MTUS1: variants seen among roughly 807,000 people sequenced by gnomAD.
MTUS1 encodes the protein microtubule-associated tumor suppressor 1.
A neutral mutation model predicts 120.8 loss-of-function variants in MTUS1; 109 were observed. The observed-to-expected ratio is 0.90, with a 90% confidence interval of 0.77 to 1.06. The LOEUF (loss-of-function observed/expected upper bound fraction) is 1.06, where lower values mean the gene tolerates loss of function less well. Ranked by LOEUF, MTUS1 falls within the 50% of genes least tolerant of loss-of-function variation. The pLI is 0.00. For missense variants in MTUS1, 2,210 were observed against 1,486.3 expected (o/e 1.49, Z -8.01); for synonymous variants, 737 against 550.5 (o/e 1.34, Z -4.74).
At chr8:17,739,140 C>A (rs1202618863) in intron 3 of MTUS1, among the ~76,000 whole-genome samples, 2 of 151,358 alleles carry the variant, frequency 1.3e-5, no homozygotes, top group African/African-American at 4.9e-5. Context: ...GAAAATGTCT[C>A]AAAAAAACAA....
At chr8:17,743,568 A>G in intron 3 of MTUS1, 36 bp downstream of exon 3, 1 of 1,579,820 alleles carries the variant, frequency 6.3e-7, no homozygotes. Context: ...TTTACATTCA[A>G]TTAACTCATA....
At chr8:17,697,794 G>A (rs756304354) in intron 6 of MTUS1, 10 of 937,940 alleles carry the variant, frequency 1.1e-5, no homozygotes, top group Middle Eastern at 5.5e-4. Context: ...TTGAAAGATC[G>A]CTAGGGGAAA....
At position 17,661,515 on chromosome 8, in the gene MTUS1, C is replaced by T. The variant is rs1047834919; in HGVS notation, c.2906-5450G>A. ...CAGACTACCCTGGCTGATTTTAACA[C>T]ATCTGTTTATGATAAAAATACTGTC... On this transcript the variant is annotated intron_variant, in intron 8 of 14. Transcript: ENST00000693296. 3.3e-5 allele frequency among the ~76,000 whole-genome samples: 5 copies of T among 152,186 alleles called. No individual in the cohort carries two copies. The East Asian group carries it at 9.7e-4, about 29-fold the overall frequency.
intron 1 of MTUS1, among the ~76,000 whole-genome samples, chr8:17,778,461 T>C (rs919898167): frequency 1.3e-5 from 2 of 152,202 alleles, no homozygotes; most frequent in African/African-American, 2.4e-5. Flanking sequence ...TCAAAATTCA[T>C]TGTACTATAC....
chr8:17,648,480 T>G (rs1405881740), intron 13 of MTUS1, among the ~76,000 whole-genome samples: 1 of 152,214 alleles, frequency 6.6e-6, no homozygotes. Flanking sequence ...AACAGGATCA[T>G]CTGAGTCATC....
intron 1 of MTUS1, among the ~76,000 whole-genome samples, chr8:17,758,773 G>C (rs1165537105): frequency 1.3e-5 from 2 of 152,186 alleles, no homozygotes; most frequent in Non-Finnish European, 2.9e-5. Context: ...ATAATTGTTA[G>C]CTTCAATTAA....
chr8:17,680,361 G>A (rs1250357765), intron 7 of MTUS1, among the ~76,000 whole-genome samples: 2 of 150,214 alleles, frequency 1.3e-5, no homozygotes, highest in Non-Finnish European at 2.9e-5. Flanking sequence ...CTACTCAGGA[G>A]GCTGAGTCAG....
chr8:17,783,131 T>C (rs970128368), intron 1 of MTUS1, among the ~76,000 whole-genome samples: 1 of 152,120 alleles, frequency 6.6e-6, no homozygotes, highest in African/African-American at 2.4e-5. Flanking sequence ...GAGGATAACA[T>C]GTTGGCCCTT....
intron 7 of MTUS1, among the ~76,000 whole-genome samples, chr8:17,681,018 C>T (rs979436175): frequency 3.9e-5 from 6 of 152,086 alleles, no homozygotes; most frequent in African/African-American, 1.2e-4. Flanking sequence ...ACTGCCACCT[C>T]CACCTCTCAA....
Position 17,753,796 on chromosome 8 carries a change from T to C in MTUS1, c.2012A>G (p.Glu671Gly), listed in dbSNP as rs1377108583. Residue 671 changes from glutamate to glycine, a missense_variant, in exon 2 of 15, where the codon GAA (glutamate) becomes GGA (glycine). By Grantham distance (98) the Glu-to-Gly change is moderately conservative (BLOSUM62 -2). Transcript: ENST00000693296. ...TTGTTTTTCCATAGATGTCCCATTT[T>C]CTTTTTCACCCTTCTTTTCAGGGCT... The part of the protein sequence containing the change: ...RISPEKKGEK[E>G]NGTSMEKQEL... The C allele has an allele frequency of 1.2e-6, 2 of 1,613,918 alleles. No individual in the cohort carries two copies. Among genetic ancestry groups the C allele is most frequent in the South Asian group, 2.2e-5 (2 of 90,864 alleles).
chr8:17,741,675 T>C (rs902805236), intron 3 of MTUS1, among the ~76,000 whole-genome samples: 1 of 152,200 alleles, frequency 6.6e-6, no homozygotes, highest in Non-Finnish European at 1.5e-5. Context: ...GATTCTATCT[T>C]TTTCAATGTA....
intron 8 of MTUS1, among the ~76,000 whole-genome samples, chr8:17,665,230 C>A (rs891831856): frequency 6.6e-6 from 1 of 152,210 alleles, no homozygotes; most frequent in Non-Finnish European, 1.5e-5. Flanking sequence ...AAATGCCTTT[C>A]TGATTACTCC....
At chr8:17,666,229 A>G (rs1465873159) in intron 8 of MTUS1, among the ~76,000 whole-genome samples, 3 of 151,758 alleles carry the variant, frequency 2.0e-5, no homozygotes, top group Admixed American at 2.0e-4. Context: ...CAGGCCTGAG[A>G]AAAAGTGAGG....
intron 10 of MTUS1, 95 bp downstream of exon 10, chr8:17,654,466 G>C (rs537605851): frequency 8.7e-6 from 8 of 918,790 alleles, no homozygotes; most frequent in Non-Finnish European, 1.4e-5. Context: ...CAGGGCATTC[G>C]CTGAAGCAGG....
At chr8:17,723,884 C>T (rs1361295206) in intron 3 of MTUS1, 51 bp from the exon 4 acceptor site, 1 of 1,464,904 alleles carries the variant, frequency 6.8e-7, no homozygotes, top group East Asian at 2.3e-5. Flanking sequence ...ATCCCGAAAG[C>T]TGGCACTTTT....
chr8:17,761,755 T>C (rs2049053262), intron 1 of MTUS1, among the ~76,000 whole-genome samples: 1 of 152,230 alleles, frequency 6.6e-6, no homozygotes, highest in African/African-American at 2.4e-5. Context: ...TGTTAATATA[T>C]GGCACGCCAG....
At chr8:17,674,130 C>T (rs900716405) in intron 8 of MTUS1, among the ~76,000 whole-genome samples, 6 of 152,194 alleles carry the variant, frequency 3.9e-5, no homozygotes, top group East Asian at 3.9e-4. Flanking sequence ...CTCCAAGATA[C>T]GAGTTGACGT....
intron 12 of MTUS1, 49 bp downstream of exon 12, chr8:17,653,137 C>A (rs1417500992): frequency 1.0e-5 from 11 of 1,092,360 alleles, no homozygotes; most frequent in Non-Finnish European, 1.5e-5. Flanking sequence ...CTCTAAAAGG[C>A]AACTGAGAAG....
intron 5 of MTUS1, among the ~76,000 whole-genome samples, chr8:17,714,635 G>A (rs889762557): frequency 5.9e-5 from 9 of 152,026 alleles, no homozygotes; most frequent in African/African-American, 1.9e-4. Flanking sequence ...TTAATAAAAA[G>A]CAAGATACAG....
Sources: allele counts gnomAD v4.1 joint callset (sites outside exome capture counted in the v4.1 genomes callset), GRCh38; gene constraint gnomAD v4.1.1; transcripts MANE v1.5; gene names NCBI Gene and HGNC (gene_info 2026-07-23, HGNC 2026-07-21).